Variants in ATRN observed in about 807,000 individuals in gnomAD.
ATRN encodes attractin, also known as attractin-2.
A neutral mutation model predicts 178.7 loss-of-function variants in ATRN; 54 were observed. That is an observed-to-expected ratio of 0.30 (90% CI 0.24 to 0.38). ATRN has a LOEUF of 0.38. Among genes scored for constraint, ATRN ranks in the 10% least tolerant of loss-of-function variants. ATRN has a pLI of 1.00. For synonymous variants in ATRN, 636 were observed against 663.0 expected, an observed-to-expected ratio of 0.96 and a Z score of 0.63; for missense variants, 1,443 against 1,815.1, an observed-to-expected ratio of 0.79 and a Z score of 3.73.
At chr20:3,490,584 A>G in intron 1 of ATRN, 2 of 1,056,876 alleles carry the variant, frequency 1.9e-6, no homozygotes, top group Non-Finnish European at 3.0e-6. Context: ...ACTTGAGGTA[A>G]CAGTCACGGA....
At chr20:3,475,308 G>C (rs1368810824) in intron 1 of ATRN, among the ~76,000 whole-genome samples, 1 of 152,120 alleles carries the variant, frequency 6.6e-6, no homozygotes, top group Non-Finnish European at 1.5e-5. Flanking sequence ...ATTTCCCTAA[G>C]GTTATCACTG....
At chr20:3,633,652 T>C (rs1360643216) in intron 25 of ATRN, among the ~76,000 whole-genome samples, 2 of 152,234 alleles carry the variant, frequency 1.3e-5, no homozygotes, top group African/African-American at 4.8e-5. Flanking sequence ...GCTGTTCTCT[T>C]TGCCATCACT....
chr20:3,630,916 C>CTTTTTTTTTTTTTTTTTTTTTTTTTTT (rs368394749), intron 25 of ATRN, among the ~76,000 whole-genome samples: 1 of 43,426 alleles, frequency 2.3e-5, no homozygotes, highest in Admixed American at 3.3e-4. Context: ...ATTTATTTAG[C>CTTTTTTTTTTTTTTTTTTTTTTTTTTT]TTTTTTTTTT....
intron 1 of ATRN, among the ~76,000 whole-genome samples, chr20:3,518,289 T>C (rs986692804): frequency 1.3e-5 from 2 of 152,228 alleles, no homozygotes; most frequent in African/African-American, 4.8e-5. Context: ...GTTGCTCCCC[T>C]GCCTGCAGGC....
At chr20:3,490,566 G>A (rs562531276) in intron 1 of ATRN, 48 of 1,067,158 alleles carry the variant, frequency 4.5e-5, no homozygotes, top group Middle Eastern at 5.6e-4. Flanking sequence ...ATGCCTTCAC[G>A]TTAATGTACT....
intron 1 of ATRN, among the ~76,000 whole-genome samples, chr20:3,505,342 C>G (rs531692811): frequency 6.6e-6 from 1 of 152,136 alleles, no homozygotes; most frequent in Non-Finnish European, 1.5e-5. Context: ...GGACCTTTGG[C>G]CTCAGACTGA....
intron 23 of ATRN, among the ~76,000 whole-genome samples, chr20:3,601,699 A>C (rs1181317511): frequency 1.5e-4 from 1 of 6,874 alleles, no homozygotes; most frequent in African/African-American, 6.2e-4. Flanking sequence ...CCTGTCTACA[A>C]AAAAAAAAAA....
intron 1 of ATRN, among the ~76,000 whole-genome samples, chr20:3,533,944 A>G (rs2085488776): frequency 6.6e-6 from 1 of 152,178 alleles, no homozygotes; most frequent in Admixed American, 6.5e-5. Context: ...GGCAAGAGCC[A>G]CCATGCCTGG....
At chr20:3,636,393 TC>T (rs2087025420) in intron 26 of ATRN, among the ~76,000 whole-genome samples, 1 of 152,206 alleles carries the variant, frequency 6.6e-6, no homozygotes, top group Non-Finnish European at 1.5e-5. Flanking sequence ...CCTGAATTCT[TC>T]CTAGTGGCCC....
rs543613040 is a variant in ATRN, at chr20:3,491,725, C to T, written c.410+20208C>T. ...GAAACCTGGGTGTTTTCTTTATTCC[C>T]ATTTACTCACTTGCAAACTATTATT... On this transcript the variant is annotated intron_variant, in intron 1 of 28. Transcript: ENST00000262919. Among the ~76,000 whole-genome samples the T allele has an allele frequency of 3.9e-5, 6 of 152,316 alleles. No homozygotes were observed. The East Asian group carries it at 9.6e-4, about 24-fold the overall frequency.
At chr20:3,611,811 T>C (rs1040609867) in intron 24 of ATRN, among the ~76,000 whole-genome samples, 1 of 152,062 alleles carries the variant, frequency 6.6e-6, no homozygotes, top group Admixed American at 6.6e-5. Flanking sequence ...TACACACTTA[T>C]CAAAATGACT....
intron 17 of ATRN, 105 bp downstream of exon 17, chr20:3,584,188 C>A: frequency 1.6e-6 from 2 of 1,252,466 alleles, no homozygotes; most frequent in Non-Finnish European, 2.3e-6. Flanking sequence ...AGAAACAAGA[C>A]TGGACATGAC....
At chr20:3,548,292 G>GA (rs1346510812) in intron 5 of ATRN, among the ~76,000 whole-genome samples, 1 of 151,850 alleles carries the variant, frequency 6.6e-6, no homozygotes, top group Admixed American at 6.6e-5. Flanking sequence ...AAATATTCAG[G>GA]AAAAAAACAC....
rs776075528 is a variant in ATRN at position 3,601,004 on chromosome 20, C to G, written c.3623C>G (p.Thr1208Ser). The G allele has an allele frequency of 1.4e-5, 22 of 1,613,450 alleles. No individual in the cohort carries two copies. Among genetic ancestry groups the G allele is most frequent in the Middle Eastern group, 1.6e-4 (1 of 6,084 alleles). The change falls in exon 23 of 29, where the codon ACC becomes AGC. Residue 1208 changes from threonine to serine, a missense_variant. By Grantham distance (58) the Thr-to-Ser change is moderately conservative. Transcript: ENST00000262919. ...TCCAAGAATTTCAACCTCAACATCACCTGGGCTGCCAGTTTCTCAGGTAAA... is the reference window on the plus strand; with the variant it reads ...TCCAAGAATTTCAACCTCAACATCAGCTGGGCTGCCAGTTTCTCAGGTAAA... ...NASKNFNLNI[T>S]WAASFSAGTQ...
intron 24 of ATRN, among the ~76,000 whole-genome samples, chr20:3,605,555 C>G (rs2086665868): frequency 6.6e-6 from 1 of 152,200 alleles, no homozygotes; most frequent in South Asian, 2.1e-4. Flanking sequence ...TACATATACA[C>G]CATGGAATAC....
chr20:3,607,140 T>A (rs2086686853), intron 24 of ATRN, among the ~76,000 whole-genome samples: 1 of 152,242 alleles, frequency 6.6e-6, no homozygotes, highest in East Asian at 1.9e-4. Context: ...TTGTACGTAT[T>A]TATGAGGTAC....
chr20:3,512,564 A>G (rs1295667888), intron 1 of ATRN, among the ~76,000 whole-genome samples: 1 of 152,096 alleles, frequency 6.6e-6, no homozygotes, highest in Non-Finnish European at 1.5e-5. Flanking sequence ...GCCTCAATAA[A>G]CATACGTGTG....
chr20:3,488,886 G>A (rs2084736122), intron 1 of ATRN, among the ~76,000 whole-genome samples: 1 of 152,134 alleles, frequency 6.6e-6, no homozygotes, highest in South Asian at 2.1e-4. Flanking sequence ...TTTCTAATTT[G>A]TCTTAATGCT....
At chr20:3,571,325 A>G (rs1313514833) in intron 11 of ATRN, among the ~76,000 whole-genome samples, 4 of 152,238 alleles carry the variant, frequency 2.6e-5, no homozygotes, top group African/African-American at 9.6e-5. Flanking sequence ...CCTCTGGCAT[A>G]AGTGGGTTAA....
Sources: allele counts gnomAD v4.1 joint callset (sites outside exome capture counted in the v4.1 genomes callset), GRCh38; gene constraint gnomAD v4.1.1; transcripts MANE v1.5; gene names NCBI Gene and HGNC (gene_info 2026-07-23, HGNC 2026-07-21).